PPP1R10: variants seen among roughly 807,000 people sequenced by gnomAD.
PPP1R10 encodes protein phosphatase 1 regulatory subunit 10, also known as serine/threonine-protein phosphatase 1 regulatory subunit 10.
In PPP1R10, 15 loss-of-function variants were observed where a neutral mutation model predicts 99.0. The ratio of observed to expected loss-of-function variants is 0.15; its 90% CI spans 0.10 to 0.23. The LOEUF (loss-of-function observed/expected upper bound fraction) is 0.23. Ranked by LOEUF, PPP1R10 falls within the 10% of genes least tolerant of loss-of-function variation. PPP1R10 has a pLI of 1.00. For synonymous variants in PPP1R10, 430 were observed against 449.5 expected (o/e 0.96, Z 0.55); for missense variants, 947 against 1,259.4 (o/e 0.75, Z 3.75).
In PPP1R10 at chr6:30,600,680, C is replaced by T. The variant is rs989064205; in HGVS notation, c.*869G>A. ...TACCTGGAAGCCTCCTTCACGCTGG[C>T]AAGGTTCCAGGTGGGAGCAGGGAGT... On this transcript the variant is annotated 3_prime_UTR_variant, in exon 20 of 20. Transcript: ENST00000376511. 1.3e-5 allele frequency: 2 copies of T among 152,468 alleles called. No individual in the cohort carries two copies. The highest frequency in any genetic ancestry group is 1.3e-4 in the Admixed American group (2 of 15,256). The allele number at this position is 152,468 out of a possible 1,614,324, so 9.4% of individuals were successfully genotyped here. A position where few individuals can be genotyped will look rare whatever the true frequency, so the allele number is the denominator to read the frequency against.
chr6:30,613,759 C>CTT (rs1804791453), intron 2 of PPP1R10, among the ~76,000 whole-genome samples: 2 of 152,164 alleles, frequency 1.3e-5, no homozygotes, highest in African/African-American at 4.8e-5. Context: ...GGAAGATCTT[C>CTT]TTTATTAATC....
Position 30,606,928 on chromosome 6 carries a change from G to A in PPP1R10, c.383-72C>T. ...TTCTTCCAGGAACAGAAAATGGGAG[G>A]TTTGAGAAAATATTGTGAAAATTTA... On this transcript the variant is annotated intron_variant, in intron 6 of 19. Transcript: ENST00000376511. The surrounding 1 kb of genome is among the most constrained non-coding windows in gnomAD (Gnocchi z 6.3). 5.9e-6 allele frequency: 8 copies of A among 1,359,390 alleles called. No individual in the cohort carries two copies. Among genetic ancestry groups the A allele is most frequent in the South Asian group, 4.9e-5 (4 of 80,852 alleles). 84.2% of individuals were successfully genotyped at this position (1,359,390 alleles called of 1,614,324 possible).
rs977095570 is a variant in PPP1R10 at position 30,616,753 on chromosome 6, G to A, written c.-287C>T. The A allele has an allele frequency of 2.6e-5, 4 of 152,164 alleles. No homozygotes were observed. Among genetic ancestry groups the A allele is most frequent in the Non-Finnish European group, 4.4e-5 (3 of 68,034 alleles). 9.4% of individuals were successfully genotyped at this position (152,164 alleles called of 1,614,324 possible). On this transcript the variant is annotated 5_prime_UTR_variant, in exon 2 of 20. Coordinates refer to ENST00000376511, the MANE Select transcript of PPP1R10 (RefSeq NM_002714.4). ...AATTTGGGTGGTTTGGGAAGGGAGG[G>A]TGGTTGATTATTTTTGAAGTTATGT...
At position 30,602,443 on chromosome 6, in the gene PPP1R10, T is replaced by C; in HGVS notation, c.2206A>G (p.Asn736Asp). 2.5e-6 allele frequency: 4 copies of C among 1,599,830 alleles called. No homozygotes were observed. Among genetic ancestry groups the C allele is most frequent in the South Asian group, 1.1e-5 (1 of 90,376 alleles). ...CCCCCACCAGGGCCCCCTCGTCCAT[T>C]TGGGGGTCCTCCTCCAGAGCGACCT... Reference protein sequence around the residue: ...RGGRSGGGPPNGRGGPGGGMV... With the variant: ...RGGRSGGGPPDGRGGPGGGMV... The change falls in exon 19 of 20, where the codon AAT (asparagine) becomes GAT (aspartate). Residue 736 changes from asparagine to aspartate, a missense_variant. By Grantham distance (23) the Asn-to-Asp change is conservative. This residue lies in a region of PPP1R10 where 525 missense variants were observed against 578.8 expected (regional missense o/e 0.91). Coordinates refer to ENST00000376511, the MANE Select transcript of PPP1R10 (RefSeq NM_002714.4). This position sits in a 1 kb window ranked among gnomAD's most constrained non-coding sequence, Gnocchi z 6.7.
chr6:30,615,229 T>TA (rs5875265), intron 2 of PPP1R10, among the ~76,000 whole-genome samples: 2,647 of 109,732 alleles, frequency 0.024, 45 homozygotes, highest in East Asian at 0.053. Context: ...ACCTTTTTAG[T>TA]AAAAAAAAAA....
Position 30,609,247 on chromosome 6 carries a change from G to C in PPP1R10, c.108-84C>G. The C allele has an allele frequency of 8.0e-7, 1 of 1,257,834 alleles. No individual in the cohort carries two copies. The highest frequency in any genetic ancestry group is 2.4e-5 in the East Asian group (1 of 42,532). 77.9% of individuals were successfully genotyped at this position (1,257,834 alleles called of 1,614,324 possible). ...AGCGCCTCTCTGTGAACTGCCTAGA[G>C]ATTCCTAATGACTTGGGACTTTGCT... is the stretch of plus-strand genomic sequence containing the variant. On this transcript the variant is annotated intron_variant, in intron 3 of 19. Coordinates refer to ENST00000376511, the MANE Select transcript of PPP1R10 (RefSeq NM_002714.4). The surrounding 1 kb of genome is among the most constrained non-coding windows in gnomAD (Gnocchi z 4.5).
Position 30,609,885 on chromosome 6 carries a change from G to C in PPP1R10, c.60C>G (p.Asn20Lys). The change falls in exon 3 of 20, where the codon AAC (asparagine) becomes AAG (lysine). Residue 20 changes from asparagine (N) to lysine (K), a missense_variant. Physicochemically the swap from Asn to Lys is moderately conservative, Grantham distance 94 (BLOSUM62 0). Transcript: ENST00000376511. The surrounding 1 kb of genome is among the most constrained non-coding windows in gnomAD (Gnocchi z 4.5). The stretch of plus-strand genomic sequence containing the variant: ...CCACACTTTTGACTTCCCCATCTCG[G>C]TTAAGGAAGCTGTCCAGGCCCTTGA... ...ELLKGLDSFLNRDGEVKSVDG... is the reference protein window; with the variant it reads ...ELLKGLDSFLKRDGEVKSVDG... 6.2e-7 allele frequency: 1 copy of C among 1,614,104 alleles called. No individual in the cohort carries two copies. Among genetic ancestry groups the C allele is most frequent in the Non-Finnish European group, 8.5e-7 (1 of 1,180,034 alleles).
intron 2 of PPP1R10, among the ~76,000 whole-genome samples, chr6:30,615,924 T>A (rs968880860): frequency 2.0e-5 from 3 of 152,192 alleles, no homozygotes; most frequent in African/African-American, 7.2e-5. Context: ...TTGAGAGGAT[T>A]TAACAGTCAT....
At position 30,604,290 on chromosome 6, in the gene PPP1R10, A is replaced by C; in HGVS notation, c.1262-36T>G. 3 of 1,613,814 alleles carry C rather than the reference A, an allele frequency of 1.9e-6. No individual in the cohort carries two copies. The highest frequency in any genetic ancestry group is 1.7e-6 in the Non-Finnish European group (2 of 1,179,688). On this transcript the variant is annotated intron_variant, in intron 13 of 19. Coordinates refer to ENST00000376511, the MANE Select transcript of PPP1R10 (RefSeq NM_002714.4). The surrounding 1 kb of genome is among the most constrained non-coding windows in gnomAD (Gnocchi z 7.3). ...GGGAAGAAAAGCAAGAGGGAAAGTA[A>C]GCACAACCAAGTCCTTTCAAAATCC... is the stretch of plus-strand genomic sequence containing the variant.
In PPP1R10 at chr6:30,609,811, T is replaced by G; in HGVS notation, c.107+27A>C. 6.4e-7 allele frequency: 1 copy of G among 1,553,926 alleles called. No individual in the cohort carries two copies. The highest frequency in any genetic ancestry group is 8.9e-7 in the Non-Finnish European group (1 of 1,125,076). Reference sequence around the variant, plus strand: ...AACACACAATATTCTCTACTCACAGTGAATACAAAAAGGGGTAAAGACTCA... The same window carrying G: ...AACACACAATATTCTCTACTCACAGGGAATACAAAAAGGGGTAAAGACTCA... On this transcript the variant is annotated intron_variant, in intron 3 of 19. Transcript: ENST00000376511. This position sits in a 1 kb window ranked among gnomAD's most constrained non-coding sequence, Gnocchi z 4.5.
Position 30,602,706 on chromosome 6 carries a change from A to G in PPP1R10, c.1958-15T>C. 1.2e-6 allele frequency: 2 copies of G among 1,604,916 alleles called. No individual in the cohort carries two copies. Among genetic ancestry groups the G allele is most frequent in the Non-Finnish European group, 1.7e-6 (2 of 1,176,916 alleles). ...TCCATGGGGACCTGTAAGGGGACAAAAAAGAGAGACAGTATCAGCTACCAG... is the reference window on the plus strand; with the variant it reads ...TCCATGGGGACCTGTAAGGGGACAAGAAAGAGAGACAGTATCAGCTACCAG... On this transcript the variant is annotated splice_polypyrimidine_tract_variant and intron_variant, in intron 18 of 19. Coordinates refer to ENST00000376511, the MANE Select transcript of PPP1R10 (RefSeq NM_002714.4). This position sits in a 1 kb window ranked among gnomAD's most constrained non-coding sequence, Gnocchi z 6.7.
chr6:30,606,734 A>G lies in PPP1R10; in HGVS notation c.460+45T>C, dbSNP rs770998291. The stretch of plus-strand genomic sequence containing the variant: ...GGGAGCACCTAAAGGCCACATCCCA[A>G]TAGGAAAGAAATAAATACAAAGGAT... On this transcript the variant is annotated intron_variant, in intron 7 of 19. Coordinates refer to ENST00000376511, the MANE Select transcript of PPP1R10 (RefSeq NM_002714.4). This position sits in a 1 kb window ranked among gnomAD's most constrained non-coding sequence, Gnocchi z 6.3. The G allele has an allele frequency of 1.2e-6, 2 of 1,609,744 alleles. No homozygotes were observed. Among genetic ancestry groups the G allele is most frequent in the Non-Finnish European group, 1.7e-6 (2 of 1,176,006 alleles).
At chr6:30,611,486 T>C (rs1804551265) in intron 2 of PPP1R10, among the ~76,000 whole-genome samples, 1 of 152,138 alleles carries the variant, frequency 6.6e-6, no homozygotes, top group African/African-American at 2.4e-5. Context: ...AAATCAGTAT[T>C]TTACAAAGAT....
At position 30,604,094 on chromosome 6, in the gene PPP1R10, G is replaced by T; in HGVS notation, c.1422C>A (p.Val474=). The T allele has an allele frequency of 6.2e-7, 1 of 1,613,982 alleles. No homozygotes were observed. The highest frequency in any genetic ancestry group is 8.5e-7 in the Non-Finnish European group (1 of 1,180,002). ...PRPLVLPSPL[V]TPGSNSQERY... Reference sequence around the variant, plus strand: ...GCTCCTGACTATTGCTTCCAGGGGTGACAAGAGGTGAGGGCAGAACCAGGG... The same window carrying T: ...GCTCCTGACTATTGCTTCCAGGGGTTACAAGAGGTGAGGGCAGAACCAGGG... The change falls in exon 14 of 20, where the codon GTC becomes GTA. Residue 474 remains valine (V), a synonymous_variant. Coordinates refer to ENST00000376511, the MANE Select transcript of PPP1R10 (RefSeq NM_002714.4). The surrounding 1 kb of genome is among the most constrained non-coding windows in gnomAD (Gnocchi z 7.3).
At position 30,607,909 on chromosome 6, in the gene PPP1R10, A is replaced by G; in HGVS notation, c.331-18T>C. The G allele has an allele frequency of 1.2e-6, 2 of 1,612,274 alleles. No individual in the cohort carries two copies. Among genetic ancestry groups the G allele is most frequent in the African/African-American group, 2.7e-5 (2 of 74,944 alleles). On this transcript the variant is annotated intron_variant, in intron 5 of 19. Transcript: ENST00000376511. Reference sequence around the variant, plus strand: ...GTGTTGTTCTATGAGAGATGGGAGCAGCAGAAAGGTAAATGCCAGGAGGCA... The same window carrying G: ...GTGTTGTTCTATGAGAGATGGGAGCGGCAGAAAGGTAAATGCCAGGAGGCA...
intron 2 of PPP1R10, among the ~76,000 whole-genome samples, chr6:30,610,722 A>C (rs1408532183): frequency 6.6e-6 from 1 of 152,222 alleles, no homozygotes; most frequent in Non-Finnish European, 1.5e-5. Flanking sequence ...TGCTTTCAAA[A>C]GCAAAGATGC....
chr6:30,607,975 C>A, intron 5 of PPP1R10, 84 bp from the exon 6 acceptor site: 1 of 1,308,000 alleles, frequency 7.6e-7, no homozygotes, highest in Non-Finnish European at 1.1e-6. Flanking sequence ...AAGTTACAGT[C>A]CTCCCTGCTT....
At chr6:30,601,889 T>G (rs376106268) in intron 19 of PPP1R10, 47 bp downstream of exon 19, 6 of 1,462,390 alleles carry the variant, frequency 4.1e-6, no homozygotes, top group Non-Finnish European at 9.0e-7. Context: ...CCCAAAAGCT[T>G]GTATGGGACA....
intron 16 of PPP1R10, 76 bp downstream of exon 16, chr6:30,603,396 G>A (rs527512321): frequency 1.4e-4 from 219 of 1,585,320 alleles, no homozygotes; most frequent in South Asian, 1.2e-3. Flanking sequence ...CTGGGGTAAG[G>A]CGAATGGGAG....
Sources: gnomAD v4.1 joint callset for allele counts (sites outside exome capture counted in the v4.1 genomes callset) on GRCh38, gnomAD v4.1.1 for gene constraint, gnomAD v4.1.1 regional missense constraint, Gnocchi (gnomAD v3.1) non-coding constraint, MANE v1.5 for transcripts, NCBI Gene and HGNC (gene_info 2026-07-23, HGNC 2026-07-21) for gene names.